DLGAP1: variants seen among roughly 807,000 people sequenced by gnomAD.
DLGAP1 encodes the protein DLG associated protein 1.
Under a neutral mutation model 90.8 loss-of-function variants are expected in DLGAP1, and 11 were observed. The observed-to-expected ratio is 0.12, with a 90% CI of 0.08 to 0.20. The LOEUF is 0.20. Among genes scored for constraint, DLGAP1 ranks in the 10% least tolerant of loss-of-function variants. DLGAP1 has a pLI of 1.00. For synonymous variants in DLGAP1, 558 were observed against 540.7 expected (o/e 1.03, Z -0.44); for missense variants, 1,050 against 1,333.8 (o/e 0.79, Z 3.31).
intron 6 of DLGAP1, among the ~76,000 whole-genome samples, chr18:3,741,664 T>C (rs2063051775): frequency 6.6e-6 from 1 of 152,150 alleles, no homozygotes; most frequent in East Asian, 1.9e-4. Flanking sequence ...ATGGTCACCA[T>C]CACCATCAGT....
intron 10 of DLGAP1, among the ~76,000 whole-genome samples, chr18:3,512,430 T>C (rs1290135679): frequency 6.6e-6 from 1 of 152,130 alleles, no homozygotes; most frequent in Non-Finnish European, 1.5e-5. Context: ...TTCTTCCTAT[T>C]TAAGAAGTAA....
At chr18:3,647,930 T>C (rs1415147571) in intron 7 of DLGAP1, among the ~76,000 whole-genome samples, 1 of 152,230 alleles carries the variant, frequency 6.6e-6, no homozygotes, top group Non-Finnish European at 1.5e-5. Flanking sequence ...TTCTATACTT[T>C]CTTCCAATAT....
At chr18:3,506,996 A>G (rs2143762182) in intron 11 of DLGAP1, among the ~76,000 whole-genome samples, 1 of 151,904 alleles carries the variant, frequency 6.6e-6, no homozygotes, top group East Asian at 1.9e-4. Context: ...TTTCTGAGAG[A>G]GGGAAAACAA....
chr18:4,425,961 C>T (rs2083142935), intron 1 of DLGAP1, among the ~76,000 whole-genome samples: 1 of 152,198 alleles, frequency 6.6e-6, no homozygotes, highest in African/African-American at 2.4e-5. Context: ...CCTCTTCTAA[C>T]AGCCAATTGC....
intron 2 of DLGAP1, among the ~76,000 whole-genome samples, chr18:4,036,164 T>C (rs974482854): frequency 1.3e-5 from 2 of 152,276 alleles, no homozygotes; most frequent in Middle Eastern, 3.4e-3. Context: ...CACACTACTG[T>C]ACAAAAGAAG....
At chr18:3,803,829 A>T (rs1476873132) in intron 5 of DLGAP1, among the ~76,000 whole-genome samples, 1 of 151,998 alleles carries the variant, frequency 6.6e-6, no homozygotes, top group Non-Finnish European at 1.5e-5. Flanking sequence ...GGAGGATCTT[A>T]TCATATGTAC....
intron 3 of DLGAP1, among the ~76,000 whole-genome samples, chr18:3,932,196 T>A (rs1011457921): frequency 6.6e-6 from 1 of 152,126 alleles, no homozygotes; most frequent in East Asian, 1.9e-4. Flanking sequence ...GGGCCCTTTT[T>A]AAAGGGCCCC....
intron 1 of DLGAP1, among the ~76,000 whole-genome samples, chr18:4,157,060 T>C (rs1447850438): frequency 6.6e-6 from 1 of 152,180 alleles, no homozygotes; most frequent in African/African-American, 2.4e-5. Flanking sequence ...TATGTTTAAA[T>C]CCTGTTTTAG....
At chr18:3,874,485 C>T in intron 4 of DLGAP1, 4 of 1,436,446 alleles carry the variant, frequency 2.8e-6, no homozygotes, top group Non-Finnish European at 3.6e-6. Flanking sequence ...ACAACATTTA[C>T]ATAAAGAGGC....
At position 3,814,124 on chromosome 18, in the gene DLGAP1, A is replaced by G. The variant is rs2066974828; in HGVS notation, c.1107T>C (p.Val369=). ...SDTSPKPSPK[V]AARRESYLKA... is the part of the protein sequence containing the mutation. ...TGAGATAGCTTTCTCTCCGCGCAGC[A>G]ACTTTTGGAGAAGGCTTAGGACTCG... The change falls in exon 5 of 13, where the codon GTT becomes GTC. Residue 369 remains valine, a synonymous_variant. Transcript: ENST00000315677. 1 of 1,613,958 alleles carries G rather than the reference A, an allele frequency of 6.2e-7. No homozygotes were observed. Among genetic ancestry groups the G allele is most frequent in the South Asian group, 1.1e-5 (1 of 91,078 alleles).
intron 1 of DLGAP1, among the ~76,000 whole-genome samples, chr18:4,153,504 T>C (rs1240886025): frequency 6.6e-6 from 1 of 152,204 alleles, no homozygotes; most frequent in Non-Finnish European, 1.5e-5. Context: ...ACCCCAAGTG[T>C]CCCTCTTTTT....
intron 1 of DLGAP1, among the ~76,000 whole-genome samples, chr18:4,309,444 A>G (rs536727847): frequency 3.3e-5 from 5 of 152,298 alleles, no homozygotes; most frequent in Admixed American, 1.3e-4. Flanking sequence ...GGGATTTAGA[A>G]CAGTAGAAGG....
intron 1 of DLGAP1, among the ~76,000 whole-genome samples, chr18:4,363,649 G>A (rs2144125234): frequency 6.6e-6 from 1 of 152,258 alleles, no homozygotes; most frequent in Non-Finnish European, 1.5e-5. Context: ...AAAAACACAT[G>A]AAAAAATGCT....
chr18:3,677,773 C>T (rs1435663966), intron 7 of DLGAP1, among the ~76,000 whole-genome samples: 1 of 151,860 alleles, frequency 6.6e-6, no homozygotes, highest in Non-Finnish European at 1.5e-5. Context: ...ATTCTCCTGT[C>T]TCAGCCTCCC....
chr18:4,225,404 T>C (rs1161074404), intron 1 of DLGAP1, among the ~76,000 whole-genome samples: 3 of 151,938 alleles, frequency 2.0e-5, no homozygotes, highest in African/African-American at 7.2e-5. Flanking sequence ...CTGATGAACA[T>C]CTACAAGCAT....
At chr18:3,509,283 GGCCGTCCCA>G (rs1406501135) in intron 10 of DLGAP1, among the ~76,000 whole-genome samples, 2 of 152,180 alleles carry the variant, frequency 1.3e-5, no homozygotes, top group South Asian at 4.2e-4. Context: ...AAAACGCCAG[GGCCGTCCCA>G]GCTTTTACAC....
At chr18:3,765,384 C>A (rs968755776) in intron 5 of DLGAP1, among the ~76,000 whole-genome samples, 1 of 151,360 alleles carries the variant, frequency 6.6e-6, no homozygotes, top group Non-Finnish European at 1.5e-5. Flanking sequence ...CCCACCTTGG[C>A]CTCCCAAAGT....
chr18:4,346,940 T>C (rs2143925665), intron 1 of DLGAP1, among the ~76,000 whole-genome samples: 1 of 151,630 alleles, frequency 6.6e-6, no homozygotes, highest in Non-Finnish European at 1.5e-5. Context: ...TCTAACAAAA[T>C]AAACAAACCA....
At chr18:4,386,632 A>G (rs1200543550) in intron 1 of DLGAP1, among the ~76,000 whole-genome samples, 1 of 152,202 alleles carries the variant, frequency 6.6e-6, no homozygotes, top group Non-Finnish European at 1.5e-5. Context: ...ATGGGAAAAT[A>G]TGGGCATGAG....
Sources: allele counts gnomAD v4.1 joint callset (sites outside exome capture counted in the v4.1 genomes callset), GRCh38; gene constraint gnomAD v4.1.1; transcripts MANE v1.5; gene names NCBI Gene and HGNC (gene_info 2026-07-23, HGNC 2026-07-21).